PIAS2: variants seen among roughly 807,000 people sequenced by gnomAD.
The protein encoded by PIAS2 is E3 SUMO-protein ligase PIAS2.
Under a neutral mutation model 69.7 loss-of-function variants are expected in PIAS2, and 19 were observed. The ratio of observed to expected loss-of-function variants is 0.27; its 90% CI spans 0.19 to 0.40. The LOEUF (loss-of-function observed/expected upper bound fraction) is 0.40. Among genes scored for constraint, PIAS2 ranks in the 10% least tolerant of loss-of-function variants. The pLI, the probability that PIAS2 is intolerant of heterozygous loss-of-function variation, is 1.00. For synonymous variants in PIAS2, 261 were observed against 263.2 expected (o/e 0.99, Z 0.08); for missense variants, 624 against 757.0 (o/e 0.82, Z 2.06).
chr18:46,862,114 T>C (rs993349490), intron 3 of PIAS2, among the ~76,000 whole-genome samples: 3 of 152,182 alleles, frequency 2.0e-5, no homozygotes, highest in African/African-American at 4.8e-5. Flanking sequence ...GTGGATCACT[T>C]GAGGCCAGGA....
chr18:46,858,114 A>AG (rs2048107567), intron 3 of PIAS2, among the ~76,000 whole-genome samples: 1 of 152,178 alleles, frequency 6.6e-6, no homozygotes, highest in South Asian at 2.1e-4. Flanking sequence ...CAGAGAAAAA[A>AG]GGCGGCAAAG....
chr18:46,826,276 T>C (rs1396150237), intron 11 of PIAS2, among the ~76,000 whole-genome samples: 1 of 152,202 alleles, frequency 6.6e-6, no homozygotes, highest in Non-Finnish European at 1.5e-5. Context: ...CATACTGAGG[T>C]CATTTCAGAT....
Position 46,810,919 on chromosome 18 carries a change from G to A in PIAS2, c.*1514C>T, listed in dbSNP as rs950336327. The A allele has an allele frequency of 6.6e-6, 1 of 152,002 alleles. No homozygotes were observed. Among genetic ancestry groups the A allele is most frequent in the African/African-American group, 2.4e-5 (1 of 41,384 alleles). 9.4% of individuals were successfully genotyped at this position (152,002 alleles called of 1,614,324 possible). A position where few individuals can be genotyped will look rare whatever the true frequency, so the allele number is the denominator to read the frequency against. ...GGACTTTGTTTTTAAGGTAGATAAA[G>A]CTTAGAGAGAGAAAGCTAAACAGAA... On this transcript the variant is annotated 3_prime_UTR_variant, in exon 14 of 14. Coordinates refer to ENST00000585916, the MANE Select transcript of PIAS2 (RefSeq NM_004671.5).
intron 1 of PIAS2, chr18:46,915,692 C>G (rs910463143): frequency 1.3e-5 from 2 of 152,056 alleles, no homozygotes; most frequent in Non-Finnish European, 2.9e-5. Context: ...ACTGCTTTTA[C>G]TCTGCTCTAT....
chr18:46,907,997 G>A (rs1207305276), intron 1 of PIAS2: 1 of 152,088 alleles, frequency 6.6e-6, no homozygotes, highest in African/African-American at 2.4e-5. Flanking sequence ...CACTGGGGAG[G>A]GGAATATTTA....
chr18:46,817,960 T>A (rs954801574), intron 12 of PIAS2: 3 of 984,786 alleles, frequency 3.0e-6, no homozygotes, highest in Non-Finnish European at 3.6e-6. Flanking sequence ...TATTTCACCA[T>A]AAGTTTCAAC....
intron 1 of PIAS2, 95 bp from the exon 2 acceptor site, chr18:46,891,149 T>A (rs11877721): frequency 0.063 from 55,724 of 878,126 alleles, 2,133 homozygotes; most frequent in Non-Finnish European, 0.078. Context: ...TTTCCAGCAT[T>A]CTATCAATTG....
At chr18:46,855,979 CTTTTTTCTTTTTCTTTTGTT>C (rs1318079693) in intron 3 of PIAS2, among the ~76,000 whole-genome samples, 82 of 121,866 alleles carry the variant, frequency 6.7e-4, no homozygotes, top group Middle Eastern at 5.1e-3. Flanking sequence ...CACTTGAAGA[CTTTTTTCTTTTTCTTTTGTT>C]TTTTTTTTTT....
rs562563897 is a variant in PIAS2 at position 46,895,308 on chromosome 18, C to T, written c.25-4254G>A. ...ATGATGTATATAATACAGGAGAAGA[C>T]GAGAAGCTGCTGAGGGCAACTGACA... On this transcript the variant is annotated intron_variant, in intron 1 of 13. Transcript: ENST00000585916. 6.6e-5 allele frequency among the ~76,000 whole-genome samples: 10 copies of T among 152,124 alleles called. No homozygotes were observed. The South Asian group carries it at 8.3e-4, about 13-fold the overall frequency.
chr18:46,827,768 T>C (rs1231762704), intron 11 of PIAS2, 191 bp downstream of exon 11: 2 of 498,888 alleles, frequency 4.0e-6, no homozygotes, highest in Admixed American at 3.3e-5. Flanking sequence ...TTTCCAAAGA[T>C]GTAAATATTT....
intron 3 of PIAS2, among the ~76,000 whole-genome samples, chr18:46,860,547 A>G (rs963559941): frequency 6.6e-6 from 1 of 152,218 alleles, no homozygotes; most frequent in Non-Finnish European, 1.5e-5. Flanking sequence ...AGGTATATCA[A>G]AAGGGCATAG....
intron 3 of PIAS2, among the ~76,000 whole-genome samples, chr18:46,861,384 C>T (rs1228880797): frequency 2.6e-5 from 4 of 152,104 alleles, no homozygotes; most frequent in Non-Finnish European, 5.9e-5. Flanking sequence ...CCACTAAAGC[C>T]AAGATTCACG....
intron 2 of PIAS2, among the ~76,000 whole-genome samples, chr18:46,870,554 T>G (rs1055974596): frequency 7.5e-6 from 1 of 132,856 alleles, no homozygotes; most frequent in Non-Finnish European, 1.5e-5. Flanking sequence ...AGGTGGAGCT[T>G]GCCGTGAGCC....
At chr18:46,912,212 G>C (rs866036135) in intron 1 of PIAS2, among the ~76,000 whole-genome samples, 49 of 152,138 alleles carry the variant, frequency 3.2e-4, no homozygotes, top group African/African-American at 1.1e-3. Flanking sequence ...TATCCGTAGG[G>C]GGCTGGTACC....
intron 1 of PIAS2, among the ~76,000 whole-genome samples, chr18:46,894,424 C>G (rs1390783366): frequency 2.6e-5 from 4 of 152,136 alleles, no homozygotes; most frequent in African/African-American, 7.2e-5. Flanking sequence ...TCTCCACCAA[C>G]CTCTGATGTT....
chr18:46,860,432 G>A (rs1599858956), intron 3 of PIAS2, among the ~76,000 whole-genome samples: 1 of 152,282 alleles, frequency 6.6e-6, no homozygotes, highest in Admixed American at 6.5e-5. Flanking sequence ...GGGCTCCCTG[G>A]AGAACTGATC....
intron 2 of PIAS2, among the ~76,000 whole-genome samples, chr18:46,873,782 A>T (rs1008869918): frequency 2.0e-5 from 3 of 152,110 alleles, no homozygotes; most frequent in South Asian, 2.1e-4. Flanking sequence ...ACACCAGAAA[A>T]ATCCTTCTTT....
chr18:46,825,689 C>T (rs2042755776), intron 11 of PIAS2, among the ~76,000 whole-genome samples: 1 of 152,162 alleles, frequency 6.6e-6, no homozygotes, highest in Non-Finnish European at 1.5e-5. Flanking sequence ...GGATCCTGGA[C>T]ACTATGCTTA....
At chr18:46,867,006 G>C (rs2049584258) in intron 2 of PIAS2, among the ~76,000 whole-genome samples, 1 of 152,180 alleles carries the variant, frequency 6.6e-6, no homozygotes, top group South Asian at 2.1e-4. Flanking sequence ...CATTTGAAAA[G>C]AGAATGGTTC....
Sources: gnomAD v4.1 joint callset for allele counts (sites outside exome capture counted in the v4.1 genomes callset) on GRCh38, gnomAD v4.1.1 for gene constraint, MANE v1.5 for transcripts, NCBI Gene and HGNC (gene_info 2026-07-23, HGNC 2026-07-21) for gene names.